The following ZNF888 variants were observed in gnomAD, a reference collection of about 807,000 sequenced individuals.
The protein encoded by ZNF888 is zinc finger protein 888.
In ZNF888, 5 loss-of-function variants were observed where a neutral mutation model predicts 7.2. That is an observed-to-expected ratio of 0.70 (90% CI 0.36 to 1.46). The LOEUF (loss-of-function observed/expected upper bound fraction) is 1.46, where lower values mean the gene tolerates loss of function less well. Among genes scored for constraint, ZNF888 ranks in the 40% most tolerant of loss-of-function variants. The pLI is 0.03. For synonymous variants in ZNF888, 240 were observed against 284.3 expected (o/e 0.84, Z 1.57); for missense variants, 716 against 858.0 (o/e 0.83, Z 2.07).
Position 52,907,031 on chromosome 19 carries a change from T to C in ZNF888, c.1291A>G (p.Ile431Val). Residue 431 changes from isoleucine to valine, a missense_variant, in exon 5 of 5, where the codon ATT (isoleucine) becomes GTT (valine). This residue lies in a region of ZNF888 where 697 missense variants were observed against 803.4 expected (regional missense o/e 0.87). Coordinates refer to ENST00000638862, the MANE Select transcript of ZNF888 (RefSeq NM_001393938.1). ...ENSALLVHKT[I>V]HTGEKPYKCN... ...TTGTAAGGTTTCTCTCCAGTATGAATTGTCTTGTGAACTAAGAGGGCTGAA... is the reference window on the plus strand; with the variant it reads ...TTGTAAGGTTTCTCTCCAGTATGAACTGTCTTGTGAACTAAGAGGGCTGAA... 1 of 1,611,332 alleles carries C rather than the reference T, an allele frequency of 6.2e-7. No homozygotes were observed. Among genetic ancestry groups the C allele is most frequent in the South Asian group, 1.1e-5 (1 of 90,934 alleles).
At position 52,906,280 on chromosome 19, in the gene ZNF888, G is replaced by A. The variant is rs2064606388; in HGVS notation, c.2042C>T (p.Thr681Ile). Residue 681 changes from threonine (T) to isoleucine (I), a missense_variant, in exon 5 of 5, where the codon ACT becomes ATT. Thr to Ile is a moderately conservative substitution (Grantham distance 89, BLOSUM62 -1). Around this residue, in one of 2 missense-constraint regions of ZNF888, gnomAD observed 697 missense variants for 803.4 expected, o/e 0.87. Transcript: ENST00000638862. ...AGGTTTCTCTCCAGTATGAATTCTA[G>A]TATGTTGTGCCAGGTGTGAGTAACA... The part of the protein sequence containing the change: ...FKCYSHLAQH[T>I]RIHTGEKPFK... The A allele has an allele frequency of 4.3e-6, 7 of 1,612,086 alleles. No individual in the cohort carries two copies. The highest frequency in any genetic ancestry group is 5.9e-6 in the Non-Finnish European group (7 of 1,179,048).
In ZNF888 at chr19:52,920,171, G is replaced by C. The variant is rs192755306; in HGVS notation, c.-177-1234C>G. Among the ~76,000 whole-genome samples, 4 of 59,414 alleles carry C rather than the reference G, an allele frequency of 6.7e-5. 1 individual carries two copies. The highest frequency in any genetic ancestry group is 2.4e-4 in the African/African-American group (4 of 16,910). 39.0% of individuals were successfully genotyped at this position (59,414 alleles called of 152,430 possible). ...GTGAGGAGCCCCTCTGCCCGGCCAC[G>C]ACCCCGTCTGGGACGTGTGCCCAGC... On this transcript the variant is annotated intron_variant, in intron 1 of 4. Coordinates refer to ENST00000638862, the MANE Select transcript of ZNF888 (RefSeq NM_001393938.1).
In ZNF888 at chr19:52,905,444, TA is replaced by T. The variant is rs35926269; in HGVS notation, c.*720del. 0.011 allele frequency: 1,731 copies of T among 150,806 alleles called. No individual in the cohort carries two copies. The highest frequency in any genetic ancestry group is 0.032 in the South Asian group (176 of 5,476). The allele number at this position is 150,806 out of a possible 1,614,324, so 9.3% of individuals were successfully genotyped here. On this transcript the variant is annotated 3_prime_UTR_variant, in exon 5 of 5. Coordinates refer to ENST00000638862, the MANE Select transcript of ZNF888 (RefSeq NM_001393938.1). The stretch of plus-strand genomic sequence containing the variant: ...CTCAGCTTGCCTGCACCCAGGTGAT[TA>T]AAAAAAAAAAAAATCTGTATCTGTT...
intron 4 of ZNF888, 39 bp from the exon 5 acceptor site, chr19:52,908,218 C>T (rs1385494516): frequency 6.4e-7 from 1 of 1,564,632 alleles, no homozygotes; most frequent in Non-Finnish European, 8.8e-7. Flanking sequence ...CAATTCAGTA[C>T]AGATAATATA....
In ZNF888 at chr19:52,905,931, C is replaced by A. The variant is rs1006239120; in HGVS notation, c.*234G>T. 3.8e-5 allele frequency: 31 copies of A among 813,900 alleles called. No individual in the cohort carries two copies. Among genetic ancestry groups the A allele is most frequent in the African/African-American group, 3.1e-4 (19 of 62,162 alleles). The allele number at this position is 813,900 out of a possible 1,614,324, so 50.4% of individuals were successfully genotyped here. On this transcript the variant is annotated 3_prime_UTR_variant, in exon 5 of 5. Coordinates refer to ENST00000638862, the MANE Select transcript of ZNF888 (RefSeq NM_001393938.1). ...ATCATCACACTTGTGAGGTTTCTCTCCTGTATGAATTCTCCTGTTTTGCAT... is the reference window on the plus strand; with the variant it reads ...ATCATCACACTTGTGAGGTTTCTCTACTGTATGAATTCTCCTGTTTTGCAT...
Position 52,912,206 on chromosome 19 carries a change from C to A in ZNF888, c.142+2990G>T, listed in dbSNP as rs551826983. Among the ~76,000 whole-genome samples, 1,088 of 144,218 alleles carry A rather than the reference C, an allele frequency of 7.5e-3. 14 individuals carry two copies. The highest frequency in any genetic ancestry group is 0.028 in the African/African-American group (1,013 of 36,412). The allele number at this position is 144,218 out of a possible 152,430, so 94.6% of individuals were successfully genotyped here. On this transcript the variant is annotated intron_variant, in intron 4 of 4. Transcript: ENST00000638862. ...TCGGCTCACTGCAAGCTCCGCCTCCCGGGTTAGCGCCATTCTCCTGCCTCA... is the reference window on the plus strand; with the variant it reads ...TCGGCTCACTGCAAGCTCCGCCTCCAGGGTTAGCGCCATTCTCCTGCCTCA...
intron 4 of ZNF888, among the ~76,000 whole-genome samples, chr19:52,909,351 G>A (rs552232102): frequency 1.3e-5 from 2 of 151,568 alleles, no homozygotes; most frequent in East Asian, 2.0e-4. Context: ...GGGTTCAAGC[G>A]AGTGTCTTGC....
At chr19:52,915,377 C>T (rs1286587515) in intron 3 of ZNF888, 55 bp from the exon 4 acceptor site, 6 of 1,612,048 alleles carry the variant, frequency 3.7e-6, no homozygotes, top group Non-Finnish European at 5.1e-6. Flanking sequence ...CTTATCTTTA[C>T]AGAAAATGAG....
Position 52,917,847 on chromosome 19 carries a change from A to C in ZNF888, c.15+12T>G. 1 of 1,613,556 alleles carries C rather than the reference A, an allele frequency of 6.2e-7. No individual in the cohort carries two copies. The highest frequency in any genetic ancestry group is 8.5e-7 in the Non-Finnish European group (1 of 1,179,914). ...AAGGAGACAGAACAATCCACAGAGA[A>C]TATCATCTCACCTGAGGAAGAGCCA... On this transcript the variant is annotated intron_variant, in intron 3 of 4. Coordinates refer to ENST00000638862, the MANE Select transcript of ZNF888 (RefSeq NM_001393938.1).
Position 52,905,444 on chromosome 19 carries a change from T to TTA in ZNF888, c.*720_*721insTA, listed in dbSNP as rs535149698. ...CTCAGCTTGCCTGCACCCAGGTGATTAAAAAAAAAAAAAATCTGTATCTGT... is the reference window on the plus strand; with the variant it reads ...CTCAGCTTGCCTGCACCCAGGTGATTTAAAAAAAAAAAAAAATCTGTATCTGT... On this transcript the variant is annotated 3_prime_UTR_variant, in exon 5 of 5. Transcript: ENST00000638862. 2.2e-4 allele frequency: 33 copies of TTA among 151,434 alleles called. No individual in the cohort carries two copies. The highest frequency in any genetic ancestry group is 1.4e-3 in the Admixed American group (22 of 15,360). 9.4% of individuals were successfully genotyped at this position (151,434 alleles called of 1,614,324 possible).
In ZNF888 at chr19:52,919,647, C is replaced by T. The variant is rs757549329; in HGVS notation, c.-177-710G>A. On this transcript the variant is annotated intron_variant, in intron 1 of 4. Transcript: ENST00000638862. Reference sequence around the variant, plus strand: ...CTGGAAAGTGAGGAGCGTCTCTGCCCGGCCGCCATCCCATCTAGGAAGCGA... The same window carrying T: ...CTGGAAAGTGAGGAGCGTCTCTGCCTGGCCGCCATCCCATCTAGGAAGCGA... Among the ~76,000 whole-genome samples the T allele has an allele frequency of 2.7e-3, 179 of 67,052 alleles. 73 individuals carry two copies. The highest frequency in any genetic ancestry group is 3.2e-3 in the Non-Finnish European group (89 of 28,172). The allele number at this position is 67,052 out of a possible 152,430, so 44.0% of individuals were successfully genotyped here.
At chr19:52,921,638 T>A in intron 1 of ZNF888, 1 of 983,808 alleles carries the variant, frequency 1.0e-6, no homozygotes, top group Non-Finnish European at 1.2e-6. Flanking sequence ...TACAGTAACA[T>A]TTACAAAATG....
intron 4 of ZNF888, among the ~76,000 whole-genome samples, chr19:52,914,897 T>C (rs1244786714): frequency 6.6e-6 from 1 of 152,122 alleles, no homozygotes; most frequent in Non-Finnish European, 1.5e-5. Context: ...CAACTCCTGA[T>C]CTAAAGTGAT....
chr19:52,919,982 G>A (rs1226289055), intron 1 of ZNF888, among the ~76,000 whole-genome samples: 2 of 55,542 alleles, frequency 3.6e-5, no homozygotes, highest in African/African-American at 7.3e-5. Flanking sequence ...CCGTCCGGGA[G>A]GTGAGGGGCG....
At position 52,908,073 on chromosome 19, in the gene ZNF888, T is replaced by A. The variant is rs1054947382; in HGVS notation, c.249A>T (p.Glu83Asp). Reference sequence around the variant, plus strand: ...CTTTCTCAATTTCCTGGAAGCAACATTCTCCAATGTGATGACTTGCCAGTC... The same window carrying A: ...CTTTCTCAATTTCCTGGAAGCAACAATCTCCAATGTGATGACTTGCCAGTC... ...LQRLASHHIG[E>D]CCFQEIEKDI... The change falls in exon 5 of 5, where the codon GAA (glutamate) becomes GAT (aspartate). Residue 83 changes from glutamate to aspartate, a missense_variant. By Grantham distance (45) the Glu-to-Asp change is conservative (BLOSUM62 2). Transcript: ENST00000638862. 1.5e-5 allele frequency: 24 copies of A among 1,614,176 alleles called. 1 individual carries two copies. In the Middle Eastern group the frequency reaches 9.9e-4, roughly 67 times the overall value.
At chr19:52,908,393 A>G (rs1420732975) in intron 4 of ZNF888, among the ~76,000 whole-genome samples, 2 of 152,212 alleles carry the variant, frequency 1.3e-5, no homozygotes, top group Non-Finnish European at 2.9e-5. Context: ...TTCTAATATC[A>G]TGACAAAACA....
chr19:52,913,306 G>C (rs958516847), intron 4 of ZNF888, among the ~76,000 whole-genome samples: 1 of 148,736 alleles, frequency 6.7e-6, no homozygotes, highest in Non-Finnish European at 1.5e-5. Context: ...AGTAGTTTTT[G>C]CAGGTTATGG....
intron 2 of ZNF888, 128 bp from the exon 3 acceptor site, chr19:52,918,059 C>T (rs1422082413): frequency 6.9e-7 from 1 of 1,449,208 alleles, no homozygotes; most frequent in East Asian, 2.5e-5. Context: ...CACTCTGCTG[C>T]CCACCATACC....
At position 52,919,888 on chromosome 19, in the gene ZNF888, G is replaced by A. The variant is rs1228164116; in HGVS notation, c.-177-951C>T. Among the ~76,000 whole-genome samples, 6 of 56,998 alleles carry A rather than the reference G, an allele frequency of 1.1e-4. 1 individual carries two copies. The highest frequency in any genetic ancestry group is 3.2e-4 in the East Asian group (1 of 3,108). 37.4% of individuals were successfully genotyped at this position (56,998 alleles called of 152,430 possible). A position where few individuals can be genotyped will look rare whatever the true frequency, so the allele number is the denominator to read the frequency against. ...TGAGGAAACCCTCTGCCTGGCAACCGCCCCGTCTGAGAAGTGAGGAGCCCC... is the reference window on the plus strand; with the variant it reads ...TGAGGAAACCCTCTGCCTGGCAACCACCCCGTCTGAGAAGTGAGGAGCCCC... On this transcript the variant is annotated intron_variant, in intron 1 of 4. Coordinates refer to ENST00000638862, the MANE Select transcript of ZNF888 (RefSeq NM_001393938.1).
Sources: gnomAD v4.1 joint callset for allele counts (sites outside exome capture counted in the v4.1 genomes callset) on GRCh38, gnomAD v4.1.1 for gene constraint, gnomAD v4.1.1 regional missense constraint, MANE v1.5 for transcripts, NCBI Gene and HGNC (gene_info 2026-07-23, HGNC 2026-07-21) for gene names.